The following PC variants were observed in gnomAD, a reference collection of about 807,000 sequenced individuals.
The protein encoded by PC is pyruvate carboxylase, mitochondrial.
PC carries 46 observed loss-of-function variants against 107.8 expected under a neutral mutation model. That is an observed-to-expected ratio of 0.43 (90% CI 0.34 to 0.55). The LOEUF (loss-of-function observed/expected upper bound fraction) is 0.55, where lower values mean the gene tolerates loss of function less well. Among genes scored for constraint, PC ranks in the 20% least tolerant of loss-of-function variants. The pLI is 0.04. For missense variants in PC, 1,241 were observed against 1,643.1 expected, an observed-to-expected ratio of 0.76 and a Z score of 4.23; for synonymous variants, 662 against 684.7, an observed-to-expected ratio of 0.97 and a Z score of 0.52.
At position 66,871,205 on chromosome 11, in the gene PC, G is replaced by A. The variant is rs990139479; in HGVS notation, c.488-8C>T. ...CAGGGACAACGGGAACACCTGTTGG[G>A]AGAAAGGTGTGGGGGAGTCTCTGTA... On this transcript the variant is annotated splice_polypyrimidine_tract_variant and splice_region_variant and intron_variant, in intron 6 of 22. Transcript: ENST00000393960. This position sits in a 1 kb window ranked among gnomAD's most constrained non-coding sequence, Gnocchi z 7.4. 5 of 1,612,914 alleles carry A rather than the reference G, an allele frequency of 3.1e-6. No homozygotes were observed. Among genetic ancestry groups the A allele is most frequent in the South Asian group, 1.1e-5 (1 of 90,992 alleles).
chr11:66,952,694 C>T (rs546903908), intron 2 of PC, among the ~76,000 whole-genome samples: 5 of 152,314 alleles, frequency 3.3e-5, no homozygotes, highest in African/African-American at 1.2e-4. Context: ...AGGCATGTGC[C>T]ACCACGCCCA....
chr11:66,874,179 C>T (rs1442411140), intron 3 of PC, among the ~76,000 whole-genome samples: 1 of 152,044 alleles, frequency 6.6e-6, no homozygotes, highest in Non-Finnish European at 1.5e-5. Flanking sequence ...AGGCTGGCCT[C>T]GACCTCCTGA....
chr11:66,888,452 A>C (rs1188944636), intron 3 of PC, among the ~76,000 whole-genome samples: 3 of 152,200 alleles, frequency 2.0e-5, no homozygotes, highest in Non-Finnish European at 4.4e-5. Context: ...TAAATAAACC[A>C]AGAATAAGGA....
At chr11:66,925,921 GT>G (rs1260902490) in intron 3 of PC, among the ~76,000 whole-genome samples, 2 of 147,330 alleles carry the variant, frequency 1.4e-5, no homozygotes, top group Non-Finnish European at 3.0e-5. Context: ...AGGGAGGGGA[GT>G]TAAAAAAAAA....
intron 3 of PC, among the ~76,000 whole-genome samples, chr11:66,903,752 G>GAAA (rs1175402409): frequency 1.3e-3 from 100 of 76,164 alleles, no homozygotes; most frequent in African/African-American, 4.6e-3. Context: ...TCCATCTCAG[G>GAAA]AAAAAAAAAA....
chr11:66,852,750 T>C lies in PC; in HGVS notation c.1600A>G (p.Ile534Val), dbSNP rs1945580126. The C allele has an allele frequency of 1.9e-6, 3 of 1,609,286 alleles. No individual in the cohort carries two copies. The highest frequency in any genetic ancestry group is 2.5e-6 in the Non-Finnish European group (3 of 1,176,550). ...TGACAGAATGGATCTCACCTACCTA[T>C]GGGCACTGCAGGGACAACGGGGTCC... ...PTDPVVPAVP[I>V]GPPPAGFRDI... Residue 534 changes from isoleucine (I) to valine (V), a missense_variant, in exon 14 of 23, where the codon ATA becomes GTA. Physicochemically the swap from Ile to Val is conservative, Grantham distance 29 (BLOSUM62 3). Transcript: ENST00000393960. The surrounding 1 kb of genome is among the most constrained non-coding windows in gnomAD (Gnocchi z 4.7).
intron 12 of PC, chr11:66,860,654 C>G: frequency 1.4e-6 from 1 of 701,684 alleles, no homozygotes; most frequent in East Asian, 2.7e-5. Flanking sequence ...AAGGGCTGTG[C>G]CTGGTGTCTT....
In PC at chr11:66,870,050, G is replaced by A. The variant is rs1335994034; in HGVS notation, c.903+252C>T. Among the ~76,000 whole-genome samples, 1 of 152,146 alleles carries A rather than the reference G, an allele frequency of 6.6e-6. No individual in the cohort carries two copies. The highest frequency in any genetic ancestry group is 2.4e-5 in the African/African-American group (1 of 41,410). On this transcript the variant is annotated intron_variant, in intron 9 of 22. Coordinates refer to ENST00000393960, the MANE Select transcript of PC (RefSeq NM_001040716.2). This position sits in a 1 kb window ranked among gnomAD's most constrained non-coding sequence, Gnocchi z 6.1. ...AGCAGCAGGGCTGAGGAGGCGGCTG[G>A]GGCTCCTTCCCTCCCTCTTCTCAGC...
chr11:66,894,905 C>T (rs1388583209), intron 3 of PC, among the ~76,000 whole-genome samples: 1 of 151,972 alleles, frequency 6.6e-6, no homozygotes, highest in Admixed American at 6.5e-5. Flanking sequence ...ACCTGTAGTC[C>T]CAGCTACTCA....
chr11:66,856,239 G>A (rs1001580764), intron 12 of PC, among the ~76,000 whole-genome samples: 16 of 152,258 alleles, frequency 1.1e-4, no homozygotes, highest in African/African-American at 3.6e-4. Context: ...GGGAGGGGCC[G>A]CAGGCGCTGC....
In PC at chr11:66,852,963, C is replaced by T; in HGVS notation, c.1514-127G>A. The T allele has an allele frequency of 2.5e-6, 2 of 790,150 alleles. No individual in the cohort carries two copies. The highest frequency in any genetic ancestry group is 3.7e-5 in the South Asian group (2 of 54,702). 48.9% of individuals were successfully genotyped at this position (790,150 alleles called of 1,614,324 possible). ...AGGATCCCCGGGCTTCCAGCTGGCC[C>T]CTGTCCTCTCCAAAGCCAGGGCCTC... On this transcript the variant is annotated intron_variant, in intron 13 of 22. Transcript: ENST00000393960. This position sits in a 1 kb window ranked among gnomAD's most constrained non-coding sequence, Gnocchi z 4.7.
intron 3 of PC, among the ~76,000 whole-genome samples, chr11:66,876,790 C>T (rs979270305): frequency 6.6e-6 from 1 of 152,190 alleles, no homozygotes; most frequent in African/African-American, 2.4e-5. Context: ...GTCTACTCTG[C>T]TGAGCGCTGG....
intron 3 of PC, among the ~76,000 whole-genome samples, chr11:66,894,022 CTCT>C (rs1482519300): frequency 6.6e-6 from 1 of 151,964 alleles, no homozygotes; most frequent in Non-Finnish European, 1.5e-5. Context: ...CTGAAATGTC[CTCT>C]TCTTACTACT....
intron 12 of PC, chr11:66,860,688 G>C: frequency 1.4e-6 from 1 of 701,222 alleles, no homozygotes. Flanking sequence ...GCATGGGCTT[G>C]GGCAGGCGGC....
chr11:66,887,667 G>A (rs1035328907), intron 3 of PC, among the ~76,000 whole-genome samples: 6 of 152,216 alleles, frequency 3.9e-5, no homozygotes, highest in Admixed American at 2.0e-4. Context: ...AAGGGGAGAC[G>A]AGAGAGCCAG....
Position 66,870,299 on chromosome 11 carries a change from C to T in PC, c.903+3G>A. ...GTCCCAACACGGGAAGCCCACCCTTCACCTGTTTAGCGAGTTTCACAGAGT... is the reference window on the plus strand; with the variant it reads ...GTCCCAACACGGGAAGCCCACCCTTTACCTGTTTAGCGAGTTTCACAGAGT... On this transcript the variant is annotated splice_donor_region_variant and intron_variant, in intron 9 of 22. Transcript: ENST00000393960. The surrounding 1 kb of genome is among the most constrained non-coding windows in gnomAD (Gnocchi z 6.1). The T allele has an allele frequency of 6.2e-7, 1 of 1,613,088 alleles. No homozygotes were observed. Among genetic ancestry groups the T allele is most frequent in the South Asian group, 1.1e-5 (1 of 91,068 alleles).
At chr11:66,891,932 T>G (rs1947591169) in intron 3 of PC, among the ~76,000 whole-genome samples, 1 of 152,204 alleles carries the variant, frequency 6.6e-6, no homozygotes, top group Non-Finnish European at 1.5e-5. Flanking sequence ...TATTTTTAGG[T>G]TTTTCCTTTT....
chr11:66,860,571 G>T, intron 12 of PC: 2 of 701,508 alleles, frequency 2.9e-6, no homozygotes, highest in Non-Finnish European at 5.2e-6. Flanking sequence ...GGCTACCAGG[G>T]CCGGTGGGGG....
intron 3 of PC, among the ~76,000 whole-genome samples, chr11:66,887,187 C>G (rs1329114528): frequency 1.3e-5 from 2 of 152,114 alleles, no homozygotes; most frequent in Non-Finnish European, 2.9e-5. Context: ...GTCTCATCTC[C>G]CAGCGAGAGG....
Sources: gnomAD v4.1 joint callset for allele counts (sites outside exome capture counted in the v4.1 genomes callset) on GRCh38, gnomAD v4.1.1 for gene constraint, Gnocchi (gnomAD v3.1) non-coding constraint, MANE v1.5 for transcripts, NCBI Gene and HGNC (gene_info 2026-07-23, HGNC 2026-07-21) for gene names.